Variants in SH3RF3 observed in about 807,000 individuals in gnomAD.
SH3RF3 encodes the protein SH3 domain containing ring finger 3, also known as E3 ubiquitin-protein ligase SH3RF3.
A neutral mutation model predicts 66.3 loss-of-function variants in SH3RF3; 29 were observed. That is an observed-to-expected ratio of 0.44 (90% confidence interval 0.33 to 0.60). SH3RF3 has a LOEUF of 0.60. Ranked by LOEUF, SH3RF3 falls within the 20% of genes least tolerant of loss-of-function variation. The pLI, the probability that SH3RF3 is intolerant of heterozygous loss-of-function variation, is 0.04. For synonymous variants in SH3RF3, 583 were observed against 532.0 expected, an observed-to-expected ratio of 1.10 and a Z score of -1.32; for missense variants, 1,194 against 1,190.9, an observed-to-expected ratio of 1.00 and a Z score of -0.04.
intron 1 of SH3RF3, among the ~76,000 whole-genome samples, chr2:109,249,467 C>CTTTCTTTCTTTCTT (rs772762890): frequency 1.0e-5 from 1 of 99,290 alleles, no homozygotes; most frequent in Admixed American, 1.1e-4. Flanking sequence ...TTCTCTCTTT[C>CTTTCTTTCTTTCTT]TCTTTCTTTC....
At chr2:109,444,679 C>T (rs776510347) in intron 7 of SH3RF3, among the ~76,000 whole-genome samples, 7 of 152,142 alleles carry the variant, frequency 4.6e-5, no homozygotes, top group Non-Finnish European at 8.8e-5. Flanking sequence ...GCCCATTAAA[C>T]CTAGTTCTAA....
chr2:109,364,727 T>C (rs1173076070), intron 2 of SH3RF3, among the ~76,000 whole-genome samples: 1 of 152,078 alleles, frequency 6.6e-6, no homozygotes, highest in Non-Finnish European at 1.5e-5. Flanking sequence ...CCTCTGTAGG[T>C]GAAACAGGAT....
chr2:109,400,197 G>T (rs1676267762), intron 4 of SH3RF3, among the ~76,000 whole-genome samples: 1 of 152,064 alleles, frequency 6.6e-6, no homozygotes, highest in Non-Finnish European at 1.5e-5. Flanking sequence ...GCCTAGAAAT[G>T]CCCCCTACAC....
chr2:109,499,954 G>A (rs1679347766), intron 9 of SH3RF3, among the ~76,000 whole-genome samples: 1 of 152,164 alleles, frequency 6.6e-6, no homozygotes, highest in Admixed American at 6.5e-5. Context: ...GGAGCAGGGA[G>A]GCAGCGAGTG....
At chr2:109,167,593 A>G (rs1192666520) in intron 1 of SH3RF3, among the ~76,000 whole-genome samples, 2 of 152,064 alleles carry the variant, frequency 1.3e-5, no homozygotes, top group Non-Finnish European at 2.9e-5. Context: ...TTTATTTTTG[A>G]GACAGTGTTG....
rs572306708 is a variant in SH3RF3, at chr2:109,266,555, G to A, written c.574-81119G>A. On this transcript the variant is annotated intron_variant, in intron 1 of 9. Coordinates refer to ENST00000309415, the MANE Select transcript of SH3RF3 (RefSeq NM_001099289.3). ...ATACAGTGAAGTCCTTAAACCACTG[G>A]TGACACCAGGGACGTTTTGTGCCTG... 2.0e-5 allele frequency among the ~76,000 whole-genome samples: 3 copies of A among 152,068 alleles called. No individual in the cohort carries two copies. In the East Asian group the frequency reaches 5.8e-4, roughly 29 times the overall value.
intron 8 of SH3RF3, among the ~76,000 whole-genome samples, chr2:109,477,447 G>A (rs1029156467): frequency 3.3e-5 from 5 of 152,188 alleles, no homozygotes; most frequent in African/African-American, 4.8e-5. Context: ...GTCCCGAAAC[G>A]GGCATAGAGT....
intron 7 of SH3RF3, among the ~76,000 whole-genome samples, chr2:109,443,413 G>A (rs1169589590): frequency 1.3e-5 from 2 of 152,156 alleles, no homozygotes; most frequent in East Asian, 3.8e-4. Flanking sequence ...AACCTCAGCT[G>A]GGAATATGAG....
At chr2:109,286,673 T>C (rs1681036753) in intron 1 of SH3RF3, among the ~76,000 whole-genome samples, 1 of 152,158 alleles carries the variant, frequency 6.6e-6, no homozygotes, top group South Asian at 2.1e-4. Context: ...TTCCCCCTGT[T>C]TGGCATAGCT....
At chr2:109,288,029 TGC>T (rs148697456) in intron 1 of SH3RF3, among the ~76,000 whole-genome samples, 51,469 of 152,082 alleles carry the variant, frequency 0.34, 8,886 homozygotes, top group South Asian at 0.41. Context: ...TTTGGCTGAC[TGC>T]CACCAGCAGG....
chr2:109,398,587 C>A lies in SH3RF3; in HGVS notation c.946-3C>A. The stretch of plus-strand genomic sequence containing the variant: ...AGCCTCCCCTCTCCCCTTTCTCACT[C>A]AGCTCAATGACTCCGCCAAGCAGCT... On this transcript the variant is annotated splice_polypyrimidine_tract_variant and splice_region_variant and intron_variant, in intron 3 of 9. Transcript: ENST00000309415. 1 of 1,550,266 alleles carries A rather than the reference C, an allele frequency of 6.5e-7. No homozygotes were observed. The highest frequency in any genetic ancestry group is 1.2e-5 in the South Asian group (1 of 84,478).
intron 7 of SH3RF3, among the ~76,000 whole-genome samples, chr2:109,440,984 C>A (rs1172887446): frequency 6.6e-6 from 1 of 152,146 alleles, no homozygotes; most frequent in African/African-American, 2.4e-5. Context: ...ATTGAGTAAT[C>A]TACACAGGAC....
intron 1 of SH3RF3, among the ~76,000 whole-genome samples, chr2:109,311,693 C>G (rs548959646): frequency 1.3e-5 from 2 of 152,306 alleles, no homozygotes; most frequent in South Asian, 4.1e-4. Flanking sequence ...GCCTTTCTGA[C>G]TGATGTACCC....
At chr2:109,231,509 GAATA>G (rs1679515343) in intron 1 of SH3RF3, among the ~76,000 whole-genome samples, 1 of 152,112 alleles carries the variant, frequency 6.6e-6, no homozygotes, top group Admixed American at 6.6e-5. Flanking sequence ...CATCTATGAA[GAATA>G]AATATCGTGC....
At chr2:109,357,082 A>G (rs892683320) in intron 2 of SH3RF3, among the ~76,000 whole-genome samples, 4 of 150,900 alleles carry the variant, frequency 2.7e-5, no homozygotes, top group African/African-American at 7.3e-5. Flanking sequence ...TATGTTATAT[A>G]TAATATATAT....
chr2:109,243,967 T>A (rs1056978232), intron 1 of SH3RF3, among the ~76,000 whole-genome samples: 3 of 152,234 alleles, frequency 2.0e-5, no homozygotes, highest in Non-Finnish European at 4.4e-5. Context: ...TTGGTGGTTC[T>A]GTTTGCCCTG....
At chr2:109,381,684 G>A (rs538764159) in intron 3 of SH3RF3, among the ~76,000 whole-genome samples, 1 of 152,156 alleles carries the variant, frequency 6.6e-6, no homozygotes, top group South Asian at 2.1e-4. Flanking sequence ...TGGCTAAATA[G>A]TAGAAAGGAC....
At chr2:109,187,402 G>A (rs1678220846) in intron 1 of SH3RF3, among the ~76,000 whole-genome samples, 1 of 151,546 alleles carries the variant, frequency 6.6e-6, no homozygotes, top group Non-Finnish European at 1.5e-5. Flanking sequence ...AGCTAAGATG[G>A]TGCTTAAGGC....
At chr2:109,461,051 A>G (rs1417898110) in intron 8 of SH3RF3, among the ~76,000 whole-genome samples, 1 of 152,226 alleles carries the variant, frequency 6.6e-6, no homozygotes, top group Non-Finnish European at 1.5e-5. Flanking sequence ...GCAGGCTGGG[A>G]GAGAGAAGGC....
Sources: gnomAD v4.1 joint callset for allele counts (sites outside exome capture counted in the v4.1 genomes callset) on GRCh38, gnomAD v4.1.1 for gene constraint, MANE v1.5 for transcripts, NCBI Gene and HGNC (gene_info 2026-07-23, HGNC 2026-07-21) for gene names.